The following ATP9A variants were observed in gnomAD, a reference collection of about 807,000 sequenced individuals.
ATP9A encodes the protein ATPase phospholipid transporting 9A.
ATP9A carries 52 observed loss-of-function variants against 144.1 expected under a neutral mutation model. The observed-to-expected ratio is 0.36, with a 90% confidence interval of 0.29 to 0.45. ATP9A has a LOEUF of 0.45. ATP9A is among the 20% of genes least tolerant of loss of function. The pLI is 1.00. For missense variants in ATP9A, 947 were observed against 1,392.7 expected, an observed-to-expected ratio of 0.68 and a Z score of 5.09; for synonymous variants, 582 against 557.4, an observed-to-expected ratio of 1.04 and a Z score of -0.62.
chr20:51,764,006 C>T (rs191646530), intron 1 of ATP9A, among the ~76,000 whole-genome samples: 43 of 152,312 alleles, frequency 2.8e-4, no homozygotes, highest in Non-Finnish European at 4.1e-4. Context: ...CAAAGAAGCA[C>T]ACTGTAGACC....
intron 1 of ATP9A, among the ~76,000 whole-genome samples, chr20:51,758,203 A>G (rs1415501287): frequency 6.6e-6 from 1 of 152,234 alleles, no homozygotes; most frequent in African/African-American, 2.4e-5. Flanking sequence ...CCTTTCATAC[A>G]TATATTAATC....
chr20:51,690,035 C>G (rs993668806), intron 8 of ATP9A, among the ~76,000 whole-genome samples: 3 of 143,232 alleles, frequency 2.1e-5, no homozygotes, highest in Non-Finnish European at 4.5e-5. Context: ...TCACTTGAAC[C>G]CGGGAGGCAG....
In ATP9A at chr20:51,600,342, C is replaced by G. The variant is rs555308937; in HGVS notation, c.*869G>C. On this transcript the variant is annotated 3_prime_UTR_variant, in exon 28 of 28. Transcript: ENST00000338821. ...TTAGTTGAGTCTCTTATCACACTGT[C>G]GACACATTTAGGGGCCATTCAGTGG... is the stretch of plus-strand genomic sequence containing the variant. 1 of 152,148 alleles carries G rather than the reference C, an allele frequency of 6.6e-6. No homozygotes were observed. Among genetic ancestry groups the G allele is most frequent in the Non-Finnish European group, 1.5e-5 (1 of 68,026 alleles). 9.4% of individuals were successfully genotyped at this position (152,148 alleles called of 1,614,324 possible).
intron 14 of ATP9A, among the ~76,000 whole-genome samples, chr20:51,646,129 A>T (rs1601079351): frequency 1.3e-5 from 2 of 152,180 alleles, no homozygotes; most frequent in South Asian, 4.1e-4. Flanking sequence ...CAGAGCCCAC[A>T]CCTTTCCCTG....
At chr20:51,651,542 C>T (rs1392107312) in intron 14 of ATP9A, among the ~76,000 whole-genome samples, 1 of 151,496 alleles carries the variant, frequency 6.6e-6, no homozygotes, top group African/African-American at 2.4e-5. Context: ...TAGTTATCGC[C>T]AGGTGGCAAG....
At chr20:51,655,900 GATAA>G (rs1432256653) in intron 14 of ATP9A, among the ~76,000 whole-genome samples, 2 of 151,966 alleles carry the variant, frequency 1.3e-5, no homozygotes, top group Admixed American at 6.6e-5. Context: ...TTGATGAATG[GATAA>G]ATAAAATGTA....
chr20:51,729,978 C>G lies in ATP9A; in HGVS notation c.69G>C (p.Gly23=). 1.3e-6 allele frequency: 2 copies of G among 1,534,728 alleles called. No homozygotes were observed. Among genetic ancestry groups the G allele is most frequent in the South Asian group, 1.3e-5 (1 of 79,292 alleles). The change falls in exon 2 of 28, where the codon GGG becomes GGC. Residue 23 remains glycine (G), a splice_region_variant and synonymous_variant. Transcript: ENST00000338821. ...KKRMDSRPRA[G]CCEWLRCCGG... Reference sequence around the variant, plus strand: ...CGCAGCATCTCAGCCACTCGCAGCACCTGTGGGAAAGAAACCCACGCATCA... The same window carrying G: ...CGCAGCATCTCAGCCACTCGCAGCAGCTGTGGGAAAGAAACCCACGCATCA...
Position 51,627,647 on chromosome 20 carries a change from C to T in ATP9A, c.1798G>A (p.Val600Met), listed in dbSNP as rs368543561. 18 of 1,614,080 alleles carry T rather than the reference C, an allele frequency of 1.1e-5. No homozygotes were observed. The highest frequency in any genetic ancestry group is 5.0e-5 in the Admixed American group (3 of 60,002). The change falls in exon 17 of 28, where the codon GTG becomes ATG. Residue 600 changes from valine to methionine, a missense_variant. Val to Met is a conservative substitution (Grantham distance 21). Transcript: ENST00000338821. ...NMAREGLRVL[V>M]VAKKSLAEEQ... The stretch of plus-strand genomic sequence containing the variant: ...TCTGCAAGAGACTTCTTTGCCACCA[C>T]GAGCACCCGCAGCCCTTCTCGGGCC...
At chr20:51,751,303 A>C (rs1460776597) in intron 1 of ATP9A, among the ~76,000 whole-genome samples, 1 of 126,240 alleles carries the variant, frequency 7.9e-6, no homozygotes, top group African/African-American at 3.0e-5. Flanking sequence ...ACTCCATCCC[A>C]TGCTGGAGTG....
In ATP9A at chr20:51,664,722, CT is replaced by C. The variant is rs910448493; in HGVS notation, c.1293+5274del. Among the ~76,000 whole-genome samples, 659 of 149,448 alleles carry C rather than the reference CT, an allele frequency of 4.4e-3. 7 individuals carry two copies. The highest frequency in any genetic ancestry group is 0.015 in the African/African-American group (612 of 40,738). ...GAATTATAGATTTAAACTTAAATTT[CT>C]TTTTTTTTTCCTTTTGAGAGGAGTC... On this transcript the variant is annotated intron_variant, in intron 13 of 27. Coordinates refer to ENST00000338821, the MANE Select transcript of ATP9A (RefSeq NM_006045.3).
intron 9 of ATP9A, among the ~76,000 whole-genome samples, chr20:51,683,582 A>C (rs781350610): frequency 6.6e-6 from 1 of 151,952 alleles, no homozygotes; most frequent in Admixed American, 6.6e-5. Flanking sequence ...TCACCTGGCC[A>C]TGTTTTTATT....
At chr20:51,733,491 A>T (rs62226748) in intron 1 of ATP9A, among the ~76,000 whole-genome samples, 33,897 of 151,624 alleles carry the variant, frequency 0.22, 3,949 homozygotes, top group South Asian at 0.39. Context: ...CTCCTGCCTT[A>T]GCCTCCTGAG....
intron 14 of ATP9A, among the ~76,000 whole-genome samples, chr20:51,652,214 T>A (rs143580174): frequency 8.3e-4 from 127 of 152,324 alleles, no homozygotes; most frequent in African/African-American, 3.0e-3. Context: ...TCCGACTGTA[T>A]CTATTTCATT....
At chr20:51,722,720 AG>A (rs1217720402) in intron 3 of ATP9A, among the ~76,000 whole-genome samples, 15 of 152,332 alleles carry the variant, frequency 9.8e-5, no homozygotes, top group African/African-American at 3.1e-4. Flanking sequence ...TGCAGTGAAC[AG>A]GGAACACTTC....
chr20:51,642,489 T>TTTG (rs1476938539), intron 14 of ATP9A, among the ~76,000 whole-genome samples: 1 of 151,922 alleles, frequency 6.6e-6, no homozygotes, highest in Non-Finnish European at 1.5e-5. Context: ...CAAATAGATT[T>TTTG]TCTTACAGTT....
At chr20:51,618,017 C>T (rs774839960) in intron 21 of ATP9A, among the ~76,000 whole-genome samples, 6 of 151,994 alleles carry the variant, frequency 3.9e-5, no homozygotes, top group Admixed American at 6.6e-5. Context: ...GTCAGGAGTT[C>T]GAGACCAGCC....
chr20:51,641,865 A>G (rs1425085693), intron 14 of ATP9A, among the ~76,000 whole-genome samples: 1 of 149,940 alleles, frequency 6.7e-6, no homozygotes, highest in African/African-American at 2.4e-5. Context: ...AAACACTTCC[A>G]GTGGAGGTGA....
chr20:51,649,594 C>A (rs1401938640), intron 14 of ATP9A, among the ~76,000 whole-genome samples: 1 of 152,178 alleles, frequency 6.6e-6, no homozygotes, highest in Non-Finnish European at 1.5e-5. Flanking sequence ...TTTGAGGAGG[C>A]TGAGGTGCAG....
rs189497467 is a variant in ATP9A, at chr20:51,690,288, C to T, written c.723+451G>A. Among the ~76,000 whole-genome samples, 26 of 151,656 alleles carry T rather than the reference C, an allele frequency of 1.7e-4. No homozygotes were observed. The East Asian group carries it at 1.9e-3, about 11-fold the overall frequency. On this transcript the variant is annotated intron_variant, in intron 8 of 27. Transcript: ENST00000338821. ...ACAAAAAATTAGCTGGGCGCAGTGGCGGGCGCCTGTAATCCCAGCTACTTG... is the reference window on the plus strand; with the variant it reads ...ACAAAAAATTAGCTGGGCGCAGTGGTGGGCGCCTGTAATCCCAGCTACTTG...
Sources: allele counts gnomAD v4.1 joint callset (sites outside exome capture counted in the v4.1 genomes callset), GRCh38; gene constraint gnomAD v4.1.1; transcripts MANE v1.5; gene names NCBI Gene and HGNC (gene_info 2026-07-23, HGNC 2026-07-21).